Variants in STXBP5L observed in about 807,000 individuals in gnomAD.
STXBP5L encodes the protein syntaxin-binding protein 5-like.
STXBP5L carries 65 observed loss-of-function variants against 144.5 expected under a neutral mutation model. The ratio of observed to expected loss-of-function variants is 0.45; its 90% confidence interval spans 0.37 to 0.55. STXBP5L has a LOEUF of 0.55. Among genes scored for constraint, STXBP5L ranks in the 20% least tolerant of loss-of-function variants. STXBP5L has a pLI of 0.00. For missense variants in STXBP5L, 1,298 were observed against 1,405.5 expected (o/e 0.92, Z 1.22); for synonymous variants, 505 against 469.6 (o/e 1.08, Z -0.97).
chr3:120,981,865 G>C (rs1468292883), intron 3 of STXBP5L, among the ~76,000 whole-genome samples: 1 of 152,166 alleles, frequency 6.6e-6, no homozygotes, highest in Non-Finnish European at 1.5e-5. Context: ...TTGAAGGTAT[G>C]ATTGTCCTGT....
intron 9 of STXBP5L, among the ~76,000 whole-genome samples, chr3:121,162,056 C>G (rs897229518): frequency 2.0e-5 from 3 of 151,896 alleles, no homozygotes; most frequent in African/African-American, 2.4e-5. Flanking sequence ...ACAAAACAAA[C>G]AAAATATAAT....
chr3:121,092,911 T>C (rs990449814), intron 5 of STXBP5L, among the ~76,000 whole-genome samples: 1 of 152,234 alleles, frequency 6.6e-6, no homozygotes, highest in Admixed American at 6.5e-5. Context: ...TGTGGGTTTG[T>C]CATAGATAGC....
At chr3:121,054,766 T>G (rs887982623) in intron 5 of STXBP5L, among the ~76,000 whole-genome samples, 1 of 146,398 alleles carries the variant, frequency 6.8e-6, no homozygotes. Context: ...AAAGAGTTGT[T>G]TTACTGTTTC....
chr3:121,423,442 AAGG>A lies in STXBP5L; in HGVS notation c.*4353_*4355del. ...AGAATAGGTAAGGTCTGTCTTAGAA[AAGG>A]AGGAGGAAGTACCAATTTGGTGCAA... On this transcript the variant is annotated 3_prime_UTR_variant, in exon 27 of 27. Coordinates refer to ENST00000471454, the MANE Select transcript of STXBP5L (RefSeq NM_001308330.2). 6.6e-6 allele frequency: 1 copy of A among 152,350 alleles called. No homozygotes were observed. Among genetic ancestry groups the A allele is most frequent in the East Asian group, 1.9e-4 (1 of 5,186 alleles). The allele number at this position is 152,350 out of a possible 1,614,324, so 9.4% of individuals were successfully genotyped here. A position where few individuals can be genotyped will look rare whatever the true frequency, so the allele number is the denominator to read the frequency against.
intron 20 of STXBP5L, among the ~76,000 whole-genome samples, chr3:121,325,519 C>T (rs1366371343): frequency 2.6e-5 from 4 of 151,866 alleles, no homozygotes; most frequent in Admixed American, 2.6e-4. Context: ...ATGGGACATT[C>T]AAACAGTGAG....
chr3:121,071,773 G>A (rs1005746406), intron 5 of STXBP5L, among the ~76,000 whole-genome samples: 1 of 152,100 alleles, frequency 6.6e-6, no homozygotes, highest in Non-Finnish European at 1.5e-5. Context: ...CTCACCTAAG[G>A]CTTGCATTTG....
chr3:121,136,979 A>G (rs2045286014), intron 7 of STXBP5L, among the ~76,000 whole-genome samples: 1 of 152,208 alleles, frequency 6.6e-6, no homozygotes, highest in African/African-American at 2.4e-5. Flanking sequence ...ACACAGGAAC[A>G]GAAAACCAAA....
At chr3:121,158,467 T>C (rs1280896783) in intron 9 of STXBP5L, 1 of 152,194 alleles carries the variant, frequency 6.6e-6, no homozygotes, top group Non-Finnish European at 1.5e-5. Flanking sequence ...TATTTCATGC[T>C]GTTTGTCTGC....
intron 11 of STXBP5L, among the ~76,000 whole-genome samples, chr3:121,223,844 C>T (rs953685028): frequency 1.3e-5 from 2 of 151,722 alleles, no homozygotes; most frequent in African/African-American, 2.4e-5. Context: ...GCCTGTAATC[C>T]CAGCACTTTG....
chr3:121,303,079 T>A (rs894735185), intron 19 of STXBP5L, among the ~76,000 whole-genome samples: 2 of 152,030 alleles, frequency 1.3e-5, no homozygotes, highest in African/African-American at 4.8e-5. Context: ...GAAACTACCA[T>A]CAGAGTGAAC....
intron 23 of STXBP5L, among the ~76,000 whole-genome samples, chr3:121,411,193 C>T (rs1414449710): frequency 2.6e-5 from 4 of 152,088 alleles, no homozygotes; most frequent in African/African-American, 7.2e-5. Context: ...AGACGAGCCA[C>T]GTATCAACTG....
chr3:120,964,922 C>T (rs1939368894), intron 3 of STXBP5L, among the ~76,000 whole-genome samples: 1 of 152,116 alleles, frequency 6.6e-6, no homozygotes, highest in Non-Finnish European at 1.5e-5. Flanking sequence ...CTTTGTATGT[C>T]TCTAAGGACT....
intron 3 of STXBP5L, among the ~76,000 whole-genome samples, chr3:120,980,598 T>C (rs1941662337): frequency 6.6e-6 from 1 of 152,146 alleles, no homozygotes; most frequent in Non-Finnish European, 1.5e-5. Flanking sequence ...AATATCTTTA[T>C]GAGTTAGGTG....
chr3:120,971,683 A>G (rs1463108714), intron 3 of STXBP5L, among the ~76,000 whole-genome samples: 1 of 151,500 alleles, frequency 6.6e-6, no homozygotes, highest in Non-Finnish European at 1.5e-5. Context: ...ATCTATATAC[A>G]CACATATATA....
In STXBP5L at chr3:121,423,675, T is replaced by C. The variant is rs898586940; in HGVS notation, c.*4578T>C. The C allele has an allele frequency of 6.6e-6, 1 of 152,218 alleles. No homozygotes were observed. Among genetic ancestry groups the C allele is most frequent in the Non-Finnish European group, 1.5e-5 (1 of 68,042 alleles). 9.4% of individuals were successfully genotyped at this position (152,218 alleles called of 1,614,324 possible). The stretch of plus-strand genomic sequence containing the variant: ...TGGAGTGGGAACCAGACACCAATAT[T>C]TGCGAAAGCCTCCAAGGCGGTTCTA... On this transcript the variant is annotated 3_prime_UTR_variant, in exon 27 of 27. Transcript: ENST00000471454.
At chr3:121,164,432 G>T (rs2046430334) in intron 9 of STXBP5L, among the ~76,000 whole-genome samples, 1 of 152,196 alleles carries the variant, frequency 6.6e-6, no homozygotes, top group Admixed American at 6.5e-5. Flanking sequence ...TAAACTATTG[G>T]TGAGAATGTA....
At chr3:121,077,169 A>T (rs1429964325) in intron 5 of STXBP5L, among the ~76,000 whole-genome samples, 2 of 152,156 alleles carry the variant, frequency 1.3e-5, no homozygotes, top group African/African-American at 4.8e-5. Context: ...ATCTGGTGTC[A>T]GTTAGGGTGT....
intron 5 of STXBP5L, among the ~76,000 whole-genome samples, chr3:121,078,413 G>C (rs1186888526): frequency 6.6e-6 from 1 of 152,240 alleles, no homozygotes; most frequent in East Asian, 1.9e-4. Context: ...CAATCCCTTA[G>C]CTAGACATAA....
At chr3:121,160,555 G>A (rs2046285544) in intron 9 of STXBP5L, among the ~76,000 whole-genome samples, 1 of 152,086 alleles carries the variant, frequency 6.6e-6, no homozygotes, top group South Asian at 2.1e-4. Flanking sequence ...CAAATATTAT[G>A]CCATTTTATA....
Sources: allele counts gnomAD v4.1 joint callset (sites outside exome capture counted in the v4.1 genomes callset), GRCh38; gene constraint gnomAD v4.1.1; transcripts MANE v1.5; gene names NCBI Gene and HGNC (gene_info 2026-07-23, HGNC 2026-07-21).